LRRC4C: variants seen among roughly 807,000 people sequenced by gnomAD.
The protein encoded by LRRC4C is leucine-rich repeat-containing protein 4C.
LRRC4C carries 5 observed loss-of-function variants against 33.6 expected under a neutral mutation model. The observed-to-expected ratio is 0.15, with a 90% CI of 0.08 to 0.31. LRRC4C has a LOEUF of 0.31. Ranked by LOEUF, LRRC4C falls within the 10% of genes least tolerant of loss-of-function variation. The pLI is 1.00. For synonymous variants in LRRC4C, 329 were observed against 302.0 expected (o/e 1.09, Z -0.93); for missense variants, 560 against 796.7 (o/e 0.70, Z 3.58).
In LRRC4C at chr11:41,225,045, G is replaced by A. The variant is rs575172804; in HGVS notation, c.-496+234386C>T. Among the ~76,000 whole-genome samples, 15 of 152,186 alleles carry A rather than the reference G, an allele frequency of 9.9e-5. No individual in the cohort carries two copies. In the South Asian group the frequency reaches 2.1e-3, roughly 21 times the overall value. Reference sequence around the variant, plus strand: ...AAACACAGAAAGACAAACATCACACGTTCTCATTTATCTGTGGGATCTACA... The same window carrying A: ...AAACACAGAAAGACAAACATCACACATTCTCATTTATCTGTGGGATCTACA... On this transcript the variant is annotated intron_variant, in intron 1 of 6. Coordinates refer to ENST00000528697, the MANE Select transcript of LRRC4C (RefSeq NM_001258419.2).
intron 1 of LRRC4C, among the ~76,000 whole-genome samples, chr11:40,947,614 C>T (rs1201232570): frequency 6.6e-6 from 1 of 152,064 alleles, no homozygotes; most frequent in East Asian, 1.9e-4. Context: ...TACTAGTTTC[C>T]TCAGGCATTC....
intron 1 of LRRC4C, among the ~76,000 whole-genome samples, chr11:41,291,830 T>A (rs562075302): frequency 6.6e-6 from 1 of 152,278 alleles, no homozygotes; most frequent in South Asian, 2.1e-4. Flanking sequence ...ATTTATAATA[T>A]CTGTGTGGGC....
intron 2 of LRRC4C, among the ~76,000 whole-genome samples, chr11:40,887,175 C>A (rs973972900): frequency 2.0e-5 from 3 of 149,378 alleles, no homozygotes; most frequent in African/African-American, 2.5e-5. Context: ...GATGAGAAAA[C>A]CTCCTTTACA....
chr11:40,998,383 T>A (rs1278280661), intron 1 of LRRC4C, among the ~76,000 whole-genome samples: 2 of 152,074 alleles, frequency 1.3e-5, no homozygotes, highest in African/African-American at 4.8e-5. Flanking sequence ...AATAATGCCA[T>A]TCTAATATAC....
intron 1 of LRRC4C, among the ~76,000 whole-genome samples, chr11:41,009,981 A>T (rs1034287264): frequency 6.6e-6 from 1 of 152,166 alleles, no homozygotes; most frequent in South Asian, 2.1e-4. Flanking sequence ...ACACAGAGAC[A>T]GAAATGCAAA....
intron 1 of LRRC4C, among the ~76,000 whole-genome samples, chr11:41,133,565 T>C (rs995056203): frequency 7.2e-6 from 1 of 138,572 alleles, no homozygotes; most frequent in Non-Finnish European, 1.5e-5. Flanking sequence ...TTTTCAGTCA[T>C]AATGGGAATG....
intron 3 of LRRC4C, among the ~76,000 whole-genome samples, chr11:40,482,648 T>C (rs1953641197): frequency 6.6e-6 from 1 of 151,978 alleles, no homozygotes; most frequent in Non-Finnish European, 1.5e-5. Context: ...TTTTGTATTT[T>C]TTGTAGAGAT....
chr11:40,902,979 C>T (rs1956271802), intron 2 of LRRC4C, among the ~76,000 whole-genome samples: 1 of 152,134 alleles, frequency 6.6e-6, no homozygotes, highest in South Asian at 2.1e-4. Flanking sequence ...ATGAAGGTAG[C>T]TACATCAAAC....
intron 2 of LRRC4C, among the ~76,000 whole-genome samples, chr11:40,696,863 G>T (rs1945589045): frequency 1.3e-5 from 2 of 148,542 alleles, no homozygotes; most frequent in South Asian, 4.2e-4. Flanking sequence ...TCTACCCTTT[G>T]CTACAGGCAC....
intron 3 of LRRC4C, among the ~76,000 whole-genome samples, chr11:40,637,950 G>T (rs1283565799): frequency 6.6e-6 from 1 of 152,064 alleles, no homozygotes; most frequent in South Asian, 2.1e-4. Flanking sequence ...CACAAATCAT[G>T]CTCCCACATC....
intron 6 of LRRC4C, among the ~76,000 whole-genome samples, chr11:40,131,459 C>T (rs747564399): frequency 2.6e-4 from 39 of 152,126 alleles, no homozygotes; most frequent in Admixed American, 1.1e-3. Context: ...CTAAATATTA[C>T]ATCCAGAGTA....
At chr11:40,170,886 T>G (rs1413811633) in intron 5 of LRRC4C, among the ~76,000 whole-genome samples, 1 of 152,208 alleles carries the variant, frequency 6.6e-6, no homozygotes, top group East Asian at 1.9e-4. Flanking sequence ...TTTGGGAGAC[T>G]ACACGTTAAA....
At chr11:40,163,312 CCTGT>C (rs1565074531) in intron 5 of LRRC4C, among the ~76,000 whole-genome samples, 1 of 152,114 alleles carries the variant, frequency 6.6e-6, no homozygotes, top group Non-Finnish European at 1.5e-5. Flanking sequence ...GTAAAGATTG[CCTGT>C]CTTTCAGAGG....
At chr11:40,448,629 G>A (rs1429086898) in intron 3 of LRRC4C, among the ~76,000 whole-genome samples, 1 of 152,122 alleles carries the variant, frequency 6.6e-6, no homozygotes, top group Non-Finnish European at 1.5e-5. Context: ...ATGTACCACA[G>A]TTTTTTATCC....
At chr11:40,990,234 TATATATA>T (rs1853424074) in intron 1 of LRRC4C, among the ~76,000 whole-genome samples, 1 of 28,102 alleles carries the variant, frequency 3.6e-5, no homozygotes, top group Non-Finnish European at 7.5e-5. Flanking sequence ...TCAAGTTTTA[TATATATA>T]TATATATATA....
At chr11:40,334,725 T>C (rs1315877444) in intron 3 of LRRC4C, among the ~76,000 whole-genome samples, 1 of 152,210 alleles carries the variant, frequency 6.6e-6, no homozygotes, top group Non-Finnish European at 1.5e-5. Context: ...GAGCGAGGTA[T>C]GAAAAAAAGC....
intron 1 of LRRC4C, among the ~76,000 whole-genome samples, chr11:41,208,108 A>T (rs1040287838): frequency 6.6e-6 from 1 of 152,174 alleles, no homozygotes; most frequent in African/African-American, 2.4e-5. Context: ...TAGAAATATG[A>T]ACATTAAAGG....
chr11:41,359,400 C>A (rs1345408486), intron 1 of LRRC4C, among the ~76,000 whole-genome samples: 1 of 151,820 alleles, frequency 6.6e-6, no homozygotes, highest in African/African-American at 2.4e-5. Flanking sequence ...ATGTACTACT[C>A]GAGGGGGATG....
intron 1 of LRRC4C, among the ~76,000 whole-genome samples, chr11:41,370,746 A>G (rs1952716688): frequency 6.6e-6 from 1 of 152,120 alleles, no homozygotes; most frequent in Non-Finnish European, 1.5e-5. Context: ...GTCCCACTAT[A>G]TTGTCCAGGC....
Sources: allele counts gnomAD v4.1 joint callset (sites outside exome capture counted in the v4.1 genomes callset), GRCh38; gene constraint gnomAD v4.1.1; transcripts MANE v1.5; gene names NCBI Gene and HGNC (gene_info 2026-07-23, HGNC 2026-07-21).